NCKAP1L: variants seen among roughly 807,000 people sequenced by gnomAD.
NCKAP1L encodes the protein NCK associated protein 1 like.
In NCKAP1L, 53 loss-of-function variants were observed where a neutral mutation model predicts 139.2. The observed-to-expected ratio is 0.38, with a 90% CI of 0.31 to 0.48. The LOEUF (loss-of-function observed/expected upper bound fraction) is 0.48. Among genes scored for constraint, NCKAP1L ranks in the 20% least tolerant of loss-of-function variants. The probability of loss-of-function intolerance (pLI) is 0.98; values close to 1 mark genes in which losing one functional copy is unlikely to be tolerated. For synonymous variants in NCKAP1L, 468 were observed against 499.7 expected (o/e 0.94, Z 0.85); for missense variants, 1,151 against 1,381.9 (o/e 0.83, Z 2.65).
In NCKAP1L at chr12:54,508,528, A is replaced by G. The variant is rs1296643847; in HGVS notation, c.503A>G (p.His168Arg). Reference sequence around the variant, plus strand: ...TGTGCCCATGAGATGCTGCATGGGCATGGGTGAGTTAAGGCGAGAGTATTA... The same window carrying G: ...TGTGCCCATGAGATGCTGCATGGGCGTGGGTGAGTTAAGGCGAGAGTATTA... ...YNCAHEMLHG[H>R]GDPSFARLGQ... The change falls in exon 5 of 31, where the codon CAT becomes CGT. Residue 168 changes from histidine (H) to arginine (R), a missense_variant. Coordinates refer to ENST00000293373, the MANE Select transcript of NCKAP1L (RefSeq NM_005337.5). 2.5e-6 allele frequency: 4 copies of G among 1,614,152 alleles called. No homozygotes were observed. The highest frequency in any genetic ancestry group is 1.7e-5 in the Admixed American group (1 of 60,028).
At chr12:54,536,548 C>A (rs990094248) in intron 28 of NCKAP1L, 23 of 326,876 alleles carry the variant, frequency 7.0e-5, no homozygotes, top group Admixed American at 4.6e-4. Flanking sequence ...GTCCCAGCTA[C>A]CTGGGAGGCT....
chr12:54,531,448 CTCT>C (rs748179679), intron 23 of NCKAP1L, 40 bp from the exon 24 acceptor site: 2 of 1,608,928 alleles, frequency 1.2e-6, no homozygotes, highest in Non-Finnish European at 1.7e-6. Flanking sequence ...TAACATTGGT[CTCT>C]TCTTTTCCTG....
intron 28 of NCKAP1L, 200 bp downstream of exon 28, chr12:54,536,445 A>T: frequency 2.1e-6 from 1 of 468,836 alleles, no homozygotes; most frequent in Non-Finnish European, 3.9e-6. Flanking sequence ...TGGGTAGATC[A>T]CTTGAGCCCA....
intron 9 of NCKAP1L, among the ~76,000 whole-genome samples, chr12:54,513,496 C>T (rs1410930100): frequency 6.6e-6 from 1 of 152,020 alleles, no homozygotes; most frequent in East Asian, 1.9e-4. Context: ...GGAAAATCCT[C>T]TGTGTATGTT....
chr12:54,500,701 T>C (rs1956791153), intron 3 of NCKAP1L, 76 bp downstream of exon 3: 1 of 936,896 alleles, frequency 1.1e-6, no homozygotes. Flanking sequence ...TTCATGTATT[T>C]GCTTAAAACA....
chr12:54,498,721 G>A (rs1339808765), intron 1 of NCKAP1L: 2 of 897,744 alleles, frequency 2.2e-6, no homozygotes, highest in Non-Finnish European at 2.7e-6. Context: ...TCTAACTCCT[G>A]AGCAGCTGCT....
At chr12:54,537,517 T>G (rs1957121536) in intron 29 of NCKAP1L, among the ~76,000 whole-genome samples, 1 of 152,186 alleles carries the variant, frequency 6.6e-6, no homozygotes, top group Non-Finnish European at 1.5e-5. Flanking sequence ...GTTAGAATAT[T>G]GTAGGGTAAA....
At position 54,512,025 on chromosome 12, in the gene NCKAP1L, C is replaced by G; in HGVS notation, c.861C>G (p.Gly287=). The G allele has an allele frequency of 6.2e-7, 1 of 1,614,194 alleles. No individual in the cohort carries two copies. Residue 287 remains glycine (G), a synonymous_variant, in exon 9 of 31, where the codon GGC becomes GGG. Coordinates refer to ENST00000293373, the MANE Select transcript of NCKAP1L (RefSeq NM_005337.5). The stretch of plus-strand genomic sequence containing the variant: ...AGCTGTGGAAGCTGTGTCTGCAGGG[C>G]TCCCTCTACATCACCCTTATCCGTG... ...CQKLWKLCLQ[G]SLYITLIRED... is the part of the protein sequence containing the mutation.
At chr12:54,535,232 G>C (rs775771572) in intron 27 of NCKAP1L, 35 bp downstream of exon 27, 1 of 1,517,884 alleles carries the variant, frequency 6.6e-7, no homozygotes, top group Non-Finnish European at 9.1e-7. Context: ...ATTTGGGAAA[G>C]GAGGGCTTGG....
rs1243717605 is a variant in NCKAP1L at position 54,531,366 on chromosome 12, G to A, written c.2604+9G>A. The A allele has an allele frequency of 6.2e-7, 1 of 1,613,750 alleles. No homozygotes were observed. The highest frequency in any genetic ancestry group is 1.1e-5 in the South Asian group (1 of 91,068). On this transcript the variant is annotated intron_variant, in intron 23 of 30. Transcript: ENST00000293373. ...AGATTGTGGAGCTGAAGGTACTATG[G>A]AAACAATCCCTTGGGGAAAAGATCC... is the stretch of plus-strand genomic sequence containing the variant.
rs767063486 is a variant in NCKAP1L, at chr12:54,509,860, G to T, written c.610G>T (p.Ala204Ser). Residue 204 changes from alanine (A) to serine (S), a missense_variant, in exon 7 of 31, where the codon GCC (alanine) becomes TCC (serine). Transcript: ENST00000293373. ...FGPHTKAVSG[A>S]LLSLHFLFVR... ...CTTTTCCCCACAGGCTGTGAGTGGA[G>T]CCCTCCTCTCTTTGCATTTCCTCTT... is the stretch of plus-strand genomic sequence containing the variant. 6.2e-5 allele frequency: 100 copies of T among 1,614,108 alleles called. No individual in the cohort carries two copies. Among genetic ancestry groups the T allele is most frequent in the Non-Finnish European group, 8.3e-5 (98 of 1,180,046 alleles).
intron 26 of NCKAP1L, among the ~76,000 whole-genome samples, chr12:54,533,813 GC>G (rs1488655855): frequency 2.6e-5 from 4 of 152,174 alleles, no homozygotes; most frequent in Non-Finnish European, 5.9e-5. Flanking sequence ...CAAGTGATCC[GC>G]CCACCTTGGC....
chr12:54,508,810 G>A (rs1006913802), intron 5 of NCKAP1L, among the ~76,000 whole-genome samples: 15 of 152,162 alleles, frequency 9.9e-5, no homozygotes, highest in African/African-American at 3.4e-4. Context: ...TTAACAGAGG[G>A]CTGACTTTTT....
At chr12:54,516,085 T>C (rs1956928588) in intron 9 of NCKAP1L, among the ~76,000 whole-genome samples, 154 bp from the exon 10 acceptor site, 1 of 152,154 alleles carries the variant, frequency 6.6e-6, no homozygotes, top group South Asian at 2.1e-4. Context: ...ATTAATAGGC[T>C]AGGGTGAGAA....
chr12:54,518,876 G>C, intron 14 of NCKAP1L, 38 bp from the exon 15 acceptor site: 3 of 1,582,708 alleles, frequency 1.9e-6, no homozygotes, highest in East Asian at 4.5e-5. Flanking sequence ...TTGGTGTGCT[G>C]TTTATTGTTT....
At chr12:54,509,605 A>C (rs951343275) in intron 5 of NCKAP1L, 64 bp from the exon 6 acceptor site, 10 of 1,145,420 alleles carry the variant, frequency 8.7e-6, no homozygotes, top group Non-Finnish European at 1.3e-5. Flanking sequence ...TCCTATATGC[A>C]AACATAAGAG....
In NCKAP1L at chr12:54,542,943, A is replaced by G. The variant is rs769272300; in HGVS notation, c.*258A>G. On this transcript the variant is annotated 3_prime_UTR_variant, in exon 31 of 31. Coordinates refer to ENST00000293373, the MANE Select transcript of NCKAP1L (RefSeq NM_005337.5). Reference sequence around the variant, plus strand: ...TGGGGCCACATGTGTGAATTTTACAATGAAAAAAGGAGTAACGTACAAGTA... The same window carrying G: ...TGGGGCCACATGTGTGAATTTTACAGTGAAAAAAGGAGTAACGTACAAGTA... The G allele has an allele frequency of 2.2e-5, 9 of 401,948 alleles. No individual in the cohort carries two copies. Among genetic ancestry groups the G allele is most frequent in the Non-Finnish European group, 3.6e-5 (8 of 222,358 alleles). The allele number at this position is 401,948 out of a possible 1,614,324, so 24.9% of individuals were successfully genotyped here.
Position 54,536,105 on chromosome 12 carries a change from CTTTTCCT to C in NCKAP1L, c.2957-17_2957-11del, listed in dbSNP as rs774659670. Reference sequence around the variant, plus strand: ...TTTGCTGACTTTATTCACTTTTCCTCTTTTCCTTTTTCCCTCTCACCAGATACTTCAT... The same window carrying C: ...TTTGCTGACTTTATTCACTTTTCCTCTTTTCCCTCTCACCAGATACTTCAT... On this transcript the variant is annotated splice_polypyrimidine_tract_variant and intron_variant, in intron 27 of 30. Coordinates refer to ENST00000293373, the MANE Select transcript of NCKAP1L (RefSeq NM_005337.5). 36 of 1,550,070 alleles carry C rather than the reference CTTTTCCT, an allele frequency of 2.3e-5. 1 individual carries two copies. Among genetic ancestry groups the C allele is most frequent in the East Asian group, 2.2e-4 (10 of 44,506 alleles).
In NCKAP1L at chr12:54,543,756, A is replaced by C. The variant is rs1957177844; in HGVS notation, c.*1071A>C. The C allele has an allele frequency of 6.6e-6, 1 of 152,168 alleles. No individual in the cohort carries two copies. Among genetic ancestry groups the C allele is most frequent in the Non-Finnish European group, 1.5e-5 (1 of 68,034 alleles). The allele number at this position is 152,168 out of a possible 1,614,324, so 9.4% of individuals were successfully genotyped here. ...CCTGGGGGCTTTCAAGATAGCACTA[A>C]ACTAGGTTTACTTAACTCCTTGGCA... On this transcript the variant is annotated 3_prime_UTR_variant, in exon 31 of 31. Transcript: ENST00000293373.
Sources: gnomAD v4.1 joint callset for allele counts (sites outside exome capture counted in the v4.1 genomes callset) on GRCh38, gnomAD v4.1.1 for gene constraint, MANE v1.5 for transcripts, NCBI Gene and HGNC (gene_info 2026-07-23, HGNC 2026-07-21) for gene names.